USH2A: variants seen among roughly 807,000 people sequenced by gnomAD.
The protein encoded by USH2A is Usher syndrome 2A (autosomal recessive, mild).
In USH2A, 443 loss-of-function variants were observed where a neutral mutation model predicts 538.9. The observed-to-expected ratio is 0.82, with a 90% CI of 0.76 to 0.89. USH2A has a LOEUF of 0.89. USH2A is among the 40% of genes least tolerant of loss of function. The pLI is 0.00. For synonymous variants in USH2A, 2,413 were observed against 2,273.5 expected (o/e 1.06, Z -1.75); for missense variants, 6,633 against 6,324.8 (o/e 1.05, Z -1.65).
chr1:216,025,242 A>C (rs1275592617), intron 32 of USH2A, among the ~76,000 whole-genome samples: 1 of 151,852 alleles, frequency 6.6e-6, no homozygotes, highest in Non-Finnish European at 1.5e-5. Flanking sequence ...TTCTATGCCC[A>C]TCAAACAGAG....
At chr1:216,083,916 G>A (rs1243004500) in intron 25 of USH2A, among the ~76,000 whole-genome samples, 1 of 152,064 alleles carries the variant, frequency 6.6e-6, no homozygotes, top group Non-Finnish European at 1.5e-5. Flanking sequence ...AACTCAGAAT[G>A]ACCTTGATGA....
chr1:216,147,167 G>T (rs1034680107), intron 21 of USH2A, among the ~76,000 whole-genome samples: 2 of 151,790 alleles, frequency 1.3e-5, no homozygotes, highest in Non-Finnish European at 2.9e-5. Context: ...AAGCATCGCT[G>T]AGTCTTTCTA....
At chr1:216,390,487 A>T (rs904859324) in intron 3 of USH2A, among the ~76,000 whole-genome samples, 4 of 152,170 alleles carry the variant, frequency 2.6e-5, no homozygotes, top group Admixed American at 6.5e-5. Context: ...CCCAATCTAA[A>T]TATTCAAAAA....
At chr1:215,639,896 G>A (rs2102635248) in intron 68 of USH2A, among the ~76,000 whole-genome samples, 2 of 152,276 alleles carry the variant, frequency 1.3e-5, no homozygotes, top group South Asian at 2.1e-4. Flanking sequence ...CTACCTTACA[G>A]CCAAAATAAA....
chr1:216,357,110 T>C (rs1364640751), intron 4 of USH2A, among the ~76,000 whole-genome samples: 3 of 152,122 alleles, frequency 2.0e-5, no homozygotes, highest in Non-Finnish European at 4.4e-5. Flanking sequence ...TCTACTACCT[T>C]ATGATTGCAT....
intron 38 of USH2A, among the ~76,000 whole-genome samples, chr1:215,908,420 T>C (rs1558155682): frequency 6.6e-6 from 1 of 151,940 alleles, no homozygotes; most frequent in Non-Finnish European, 1.5e-5. Context: ...AATTTAGTTC[T>C]TGGAGAACTA....
rs2037661934 is a variant in USH2A at position 216,323,584 on chromosome 1, T to C, written c.1440A>G (p.Val480=). The C allele has an allele frequency of 6.2e-7, 1 of 1,613,504 alleles. No individual in the cohort carries two copies. The highest frequency in any genetic ancestry group is 8.5e-7 in the Non-Finnish European group (1 of 1,179,772). The change falls in exon 8 of 72, where the codon GTA becomes GTG. Residue 480 remains valine, a synonymous_variant. Coordinates refer to ENST00000307340, the MANE Select transcript of USH2A (RefSeq NM_206933.4). ...AATGAAACCTTATTTGCGTGGCTTT[T>C]ACGAACTCTTGAAGAGATGGGGTAT... ...FYNTPSLQEF[V]KATQIRFHFH...
At chr1:215,920,750 G>A (rs1344871173) in intron 38 of USH2A, among the ~76,000 whole-genome samples, 2 of 152,068 alleles carry the variant, frequency 1.3e-5, no homozygotes, top group Non-Finnish European at 2.9e-5. Context: ...CACAGTCTAA[G>A]ATACACGCTT....
intron 23 of USH2A, 26 bp from the exon 24 acceptor site, chr1:216,086,846 A>G (rs1413586421): frequency 6.5e-7 from 1 of 1,545,610 alleles, no homozygotes; most frequent in Non-Finnish European, 8.9e-7. Flanking sequence ...TGAGAAATAC[A>G]CCTTCACCAG....
intron 60 of USH2A, among the ~76,000 whole-genome samples, chr1:215,740,895 A>G (rs959433047): frequency 5.9e-5 from 9 of 152,204 alleles, no homozygotes; most frequent in African/African-American, 1.9e-4. Flanking sequence ...GCAGTTCACA[A>G]TAGGGTTTGG....
intron 2 of USH2A, among the ~76,000 whole-genome samples, chr1:216,419,149 T>C (rs2039632304): frequency 6.6e-6 from 1 of 152,076 alleles, no homozygotes. Context: ...AGAATCACTC[T>C]ATTTAATTCC....
At chr1:215,773,512 G>GTCTC (rs939463487) in intron 55 of USH2A, among the ~76,000 whole-genome samples, 13 of 94,864 alleles carry the variant, frequency 1.4e-4, no homozygotes, top group Non-Finnish European at 2.9e-4. Context: ...CTCTCTCTCT[G>GTCTC]TCTCTCTCTC....
chr1:216,288,183 A>T (rs1042171235), intron 11 of USH2A, among the ~76,000 whole-genome samples: 1 of 152,162 alleles, frequency 6.6e-6, no homozygotes, highest in Admixed American at 6.5e-5. Context: ...TGTAAAAATG[A>T]AATATAATCT....
intron 27 of USH2A, among the ~76,000 whole-genome samples, chr1:216,075,847 G>A (rs532849277): frequency 1.0e-5 from 1 of 99,692 alleles, no homozygotes; most frequent in Non-Finnish European, 2.1e-5. Flanking sequence ...AGATTGCAAC[G>A]TTAGTAGATT....
At chr1:215,809,223 T>C (rs914709223) in intron 49 of USH2A, among the ~76,000 whole-genome samples, 7 of 152,176 alleles carry the variant, frequency 4.6e-5, no homozygotes, top group African/African-American at 1.7e-4. Flanking sequence ...CCCTCTATGG[T>C]AAACTTTAAG....
At chr1:216,355,379 G>A (rs1036403019) in intron 4 of USH2A, among the ~76,000 whole-genome samples, 7 of 142,030 alleles carry the variant, frequency 4.9e-5, no homozygotes, top group African/African-American at 1.5e-4. Flanking sequence ...AAGAAAGAAG[G>A]AAAGAAACAT....
chr1:215,930,682 A>T (rs1191356931), intron 38 of USH2A, among the ~76,000 whole-genome samples: 1 of 152,024 alleles, frequency 6.6e-6, no homozygotes, highest in African/African-American at 2.4e-5. Flanking sequence ...AGATTTAAGC[A>T]AATTAAGGGA....
At chr1:215,773,492 G>GTCTGTCTC (rs1491235923) in intron 55 of USH2A, among the ~76,000 whole-genome samples, 4 of 84,438 alleles carry the variant, frequency 4.7e-5, no homozygotes, top group African/African-American at 2.6e-4. Context: ...CTGTCTCTCT[G>GTCTGTCTC]TCTCTCTCTC....
At chr1:216,321,378 A>C (rs1197070611) in intron 9 of USH2A, among the ~76,000 whole-genome samples, 4 of 152,188 alleles carry the variant, frequency 2.6e-5, no homozygotes, top group Non-Finnish European at 4.4e-5. Flanking sequence ...AACTAAAGTA[A>C]CATAACTCAT....
Sources: gnomAD v4.1 joint callset for allele counts (sites outside exome capture counted in the v4.1 genomes callset) on GRCh38, gnomAD v4.1.1 for gene constraint, MANE v1.5 for transcripts, NCBI Gene and HGNC (gene_info 2026-07-23, HGNC 2026-07-21) for gene names.